ARHGEF3: variants seen among roughly 807,000 people sequenced by gnomAD.
ARHGEF3 encodes Rho guanine nucleotide exchange factor 3.
ARHGEF3 carries 28 observed loss-of-function variants against 63.2 expected under a neutral mutation model. The observed-to-expected ratio is 0.44, with a 90% confidence interval of 0.33 to 0.61. The LOEUF (loss-of-function observed/expected upper bound fraction) is 0.61, where lower values mean the gene tolerates loss of function less well. ARHGEF3 is among the 20% of genes least tolerant of loss of function. The pLI, the probability that ARHGEF3 is intolerant of heterozygous loss-of-function variation, is 0.03. For missense variants in ARHGEF3, 533 were observed against 659.3 expected, an observed-to-expected ratio of 0.81 and a Z score of 2.10; for synonymous variants, 266 against 254.2, an observed-to-expected ratio of 1.05 and a Z score of -0.44.
chr3:57,030,129 G>A (rs773653299), intron 2 of ARHGEF3, among the ~76,000 whole-genome samples: 1 of 152,150 alleles, frequency 6.6e-6, no homozygotes, highest in African/African-American at 2.4e-5. Context: ...GCAGCGCTGG[G>A]GCAAATTGCA....
intron 2 of ARHGEF3, among the ~76,000 whole-genome samples, chr3:57,028,144 G>A (rs1703554223): frequency 6.6e-6 from 1 of 150,476 alleles, no homozygotes; most frequent in South Asian, 2.1e-4. Context: ...CGATTCCTCA[G>A]GGATCTAGAA....
chr3:56,848,609 C>G (rs368516073), intron 4 of ARHGEF3, among the ~76,000 whole-genome samples: 1 of 152,202 alleles, frequency 6.6e-6, no homozygotes, highest in Non-Finnish European at 1.5e-5. Flanking sequence ...GCAGAGAACA[C>G]AGTCTTACAT....
At chr3:57,004,628 C>G (rs1404778404) in intron 2 of ARHGEF3, among the ~76,000 whole-genome samples, 1 of 152,218 alleles carries the variant, frequency 6.6e-6, no homozygotes, top group African/African-American at 2.4e-5. Context: ...GAGTCTTACC[C>G]CAGCTTGTCC....
At chr3:56,995,513 C>G (rs1443505797) in intron 2 of ARHGEF3, among the ~76,000 whole-genome samples, 1 of 151,864 alleles carries the variant, frequency 6.6e-6, no homozygotes, top group Non-Finnish European at 1.5e-5. Flanking sequence ...TGGCACCCAG[C>G]AAACAGGAGA....
chr3:56,985,772 C>CTTAT (rs1553798085), intron 2 of ARHGEF3, among the ~76,000 whole-genome samples: 1 of 152,034 alleles, frequency 6.6e-6, no homozygotes, highest in East Asian at 1.9e-4. Flanking sequence ...CCAGAATGAA[C>CTTAT]AAGCAGGTGA....
chr3:56,776,776 G>T (rs533840873), intron 1 of ARHGEF3, among the ~76,000 whole-genome samples: 1 of 152,114 alleles, frequency 6.6e-6, no homozygotes, highest in African/African-American at 2.4e-5. Flanking sequence ...CTGCAGGGAC[G>T]CTTCCTAGTC....
chr3:57,042,713 T>TTTTTTTTTTTG, intron 1 of ARHGEF3, among the ~76,000 whole-genome samples: 1 of 118,882 alleles, frequency 8.4e-6, no homozygotes, highest in African/African-American at 3.2e-5. Flanking sequence ...TTTTTTTTTT[T>TTTTTTTTTTTG]TTAGACGGAG....
At chr3:56,845,849 G>A (rs1232131259) in intron 4 of ARHGEF3, among the ~76,000 whole-genome samples, 6 of 152,208 alleles carry the variant, frequency 3.9e-5, no homozygotes, top group Non-Finnish European at 7.3e-5. Context: ...AAAGGTGTCT[G>A]GTAGAACACA....
chr3:56,909,196 C>A (rs188258119), intron 3 of ARHGEF3, among the ~76,000 whole-genome samples: 14 of 152,314 alleles, frequency 9.2e-5, no homozygotes, highest in Admixed American at 3.9e-4. Flanking sequence ...CAGACATTTT[C>A]ATAACTATGT....
intron 1 of ARHGEF3, among the ~76,000 whole-genome samples, chr3:56,800,592 G>A (rs564753784): frequency 1.3e-5 from 2 of 152,238 alleles, no homozygotes; most frequent in South Asian, 4.1e-4. Context: ...GTGTGCTCCC[G>A]AATATACATG....
intron 4 of ARHGEF3, among the ~76,000 whole-genome samples, chr3:56,829,975 T>C (rs907653289): frequency 6.6e-6 from 1 of 152,214 alleles, no homozygotes; most frequent in African/African-American, 2.4e-5. Flanking sequence ...CCGATGATCG[T>C]GTTATGGCAC....
At chr3:56,895,993 G>A (rs1476340933) in intron 3 of ARHGEF3, among the ~76,000 whole-genome samples, 1 of 152,250 alleles carries the variant, frequency 6.6e-6, no homozygotes, top group African/African-American at 2.4e-5. Flanking sequence ...CAGGCACAGG[G>A]GGCTGGCAGA....
intron 3 of ARHGEF3, among the ~76,000 whole-genome samples, chr3:56,947,075 G>A (rs1319444865): frequency 2.0e-5 from 3 of 152,166 alleles, no homozygotes; most frequent in African/African-American, 7.2e-5. Context: ...ACAAGCAAAT[G>A]CTGAGAGATT....
At chr3:57,015,310 TTG>T (rs1702945667) in intron 2 of ARHGEF3, among the ~76,000 whole-genome samples, 1 of 152,174 alleles carries the variant, frequency 6.6e-6, no homozygotes, top group South Asian at 2.1e-4. Context: ...ATGTCTCTAC[TTG>T]TTTTGCTACA....
At chr3:57,003,271 C>T (rs924371111) in intron 2 of ARHGEF3, among the ~76,000 whole-genome samples, 3 of 151,290 alleles carry the variant, frequency 2.0e-5, no homozygotes, top group Non-Finnish European at 4.4e-5. Flanking sequence ...GGTGTGGCGG[C>T]GCACTCCTGT....
At chr3:57,048,254 T>C (rs1447617931) in intron 1 of ARHGEF3, among the ~76,000 whole-genome samples, 2 of 152,052 alleles carry the variant, frequency 1.3e-5, no homozygotes, top group Non-Finnish European at 2.9e-5. Context: ...ACATGAGAAA[T>C]GACAATGAGG....
chr3:56,944,321 C>T lies in ARHGEF3; in HGVS notation c.129+14502G>A, dbSNP rs187606761. On this transcript the variant is annotated intron_variant, in intron 3 of 12. Transcript: ENST00000338458. Reference sequence around the variant, plus strand: ...TTCTAGATGCCATTAAGAACATTCACAATTCATGGACAGAGGTCAAAATTC... The same window carrying T: ...TTCTAGATGCCATTAAGAACATTCATAATTCATGGACAGAGGTCAAAATTC... Among the ~76,000 whole-genome samples the T allele has an allele frequency of 3.3e-5, 5 of 152,258 alleles. No homozygotes were observed. The South Asian group carries it at 1.0e-3, about 32-fold the overall frequency.
intron 7 of ARHGEF3, among the ~76,000 whole-genome samples, chr3:56,741,941 G>C (rs2107721082): frequency 6.6e-6 from 1 of 152,234 alleles, no homozygotes; most frequent in African/African-American, 2.4e-5. Flanking sequence ...TCTCTCACTG[G>C]GTTCAAACTG....
intron 1 of ARHGEF3, among the ~76,000 whole-genome samples, chr3:57,042,650 A>C (rs1704235283): frequency 1.4e-5 from 1 of 70,144 alleles, no homozygotes. Context: ...GTATGTACAT[A>C]AATATATATA....
Sources: allele counts gnomAD v4.1 joint callset (sites outside exome capture counted in the v4.1 genomes callset), GRCh38; gene constraint gnomAD v4.1.1; transcripts MANE v1.5; gene names NCBI Gene and HGNC (gene_info 2026-07-23, HGNC 2026-07-21).